ATP13A4: variants seen among roughly 807,000 people sequenced by gnomAD.
ATP13A4 encodes the protein ATPase 13A4, also known as probable cation-transporting ATPase 13A4.
In ATP13A4, 114 loss-of-function variants were observed where a neutral mutation model predicts 142.5. The ratio of observed to expected loss-of-function variants is 0.80; its 90% CI spans 0.69 to 0.93. ATP13A4 has a LOEUF of 0.93. Among genes scored for constraint, ATP13A4 ranks in the 40% least tolerant of loss-of-function variants. The probability of loss-of-function intolerance (pLI) is 0.00; values close to 1 mark genes in which losing one functional copy is unlikely to be tolerated. For synonymous variants in ATP13A4, 488 were observed against 514.8 expected (o/e 0.95, Z 0.70); for missense variants, 1,392 against 1,454.0 (o/e 0.96, Z 0.69).
At chr3:193,573,308 C>CGTATATATATATATATTCTTATAT (rs1229145689) in intron 2 of ATP13A4, among the ~76,000 whole-genome samples, 12,771 of 103,322 alleles carry the variant, frequency 0.12, 1,354 homozygotes, top group Non-Finnish European at 0.15. Flanking sequence ...TATATATATA[C>CGTATATATATATATATTCTTATAT]ATATATATAT....
At chr3:193,587,704 G>C (rs1182228443) in intron 1 of ATP13A4, among the ~76,000 whole-genome samples, 2 of 152,128 alleles carry the variant, frequency 1.3e-5, no homozygotes, top group African/African-American at 4.8e-5. Context: ...TATGTAATCA[G>C]TCACATCAGC....
intron 1 of ATP13A4, among the ~76,000 whole-genome samples, chr3:193,517,036 A>G (rs1420708646): frequency 6.6e-6 from 1 of 152,192 alleles, no homozygotes; most frequent in Non-Finnish European, 1.5e-5. Context: ...TCTCCCATTT[A>G]GTTGAAAAAG....
chr3:193,502,736 GT>G, intron 2 of ATP13A4, 97 bp from the exon 3 acceptor site: 1 of 1,297,430 alleles, frequency 7.7e-7, no homozygotes, highest in South Asian at 1.2e-5. Flanking sequence ...TTCTGTAAGT[GT>G]TTGGCGTTAG....
At chr3:193,535,896 A>G (rs1722565929) in intron 1 of ATP13A4, among the ~76,000 whole-genome samples, 1 of 152,064 alleles carries the variant, frequency 6.6e-6, no homozygotes, top group African/African-American at 2.4e-5. Flanking sequence ...AAATAAACCA[A>G]TTGCTTGAAA....
Position 193,410,995 on chromosome 3 carries a change from T to C in ATP13A4, c.3284A>G (p.Tyr1095Cys), listed in dbSNP as rs917679967. The change falls in exon 28 of 30, where the codon TAT becomes TGT. Residue 1095 changes from tyrosine (Y) to cysteine (C), a missense_variant. Coordinates refer to ENST00000342695, the MANE Select transcript of ATP13A4 (RefSeq NM_032279.4). ...GATTAGACTTACATCCAAACGTCTA[T>C]ATAATTCTGGTATATCAGCAAATAG... ...FILFADIPEL[Y>C]RRLDLLCTPV... 1.2e-5 allele frequency: 19 copies of C among 1,604,398 alleles called. No individual in the cohort carries two copies. Among genetic ancestry groups the C allele is most frequent in the Non-Finnish European group, 1.5e-5 (17 of 1,171,522 alleles).
At chr3:193,420,639 T>C (rs1715358929) in intron 25 of ATP13A4, among the ~76,000 whole-genome samples, 1 of 149,118 alleles carries the variant, frequency 6.7e-6, no homozygotes, top group African/African-American at 2.5e-5. Context: ...ATTCAGCAAA[T>C]TTAGGAAAAT....
chr3:193,587,075 A>G (rs532654585), intron 1 of ATP13A4, among the ~76,000 whole-genome samples: 2 of 152,298 alleles, frequency 1.3e-5, no homozygotes, highest in East Asian at 3.9e-4. Context: ...TAATTATATT[A>G]TGGTTTTTTA....
At chr3:193,410,617 G>A (rs1714720453) in intron 28 of ATP13A4, among the ~76,000 whole-genome samples, 1 of 152,144 alleles carries the variant, frequency 6.6e-6, no homozygotes, top group Non-Finnish European at 1.5e-5. Flanking sequence ...TACTCGGGAG[G>A]CTGAAGTGGG....
At chr3:193,447,250 G>A (rs1214724703) in intron 18 of ATP13A4, among the ~76,000 whole-genome samples, 1 of 152,184 alleles carries the variant, frequency 6.6e-6, no homozygotes, top group African/African-American at 2.4e-5. Flanking sequence ...CTAACCAGTA[G>A]TAAATGAACT....
intron 2 of ATP13A4, among the ~76,000 whole-genome samples, chr3:193,568,549 A>G (rs1206013159): frequency 3.3e-5 from 5 of 152,350 alleles, no homozygotes; most frequent in Non-Finnish European, 7.3e-5. Context: ...AAATAGGACT[A>G]ATAACTTTAA....
At chr3:193,575,439 G>C (rs1301153828) in intron 2 of ATP13A4, among the ~76,000 whole-genome samples, 2 of 152,158 alleles carry the variant, frequency 1.3e-5, no homozygotes, top group African/African-American at 2.4e-5. Context: ...AAACCACTTT[G>C]AATTTGAATT....
chr3:193,515,178 C>A (rs532830650), intron 1 of ATP13A4, among the ~76,000 whole-genome samples: 2 of 152,338 alleles, frequency 1.3e-5, no homozygotes, highest in East Asian at 3.9e-4. Context: ...CTCTCCCAAT[C>A]ATGCCTATCC....
intron 12 of ATP13A4, among the ~76,000 whole-genome samples, chr3:193,463,492 A>G (rs1361448476): frequency 6.6e-6 from 1 of 150,902 alleles, no homozygotes; most frequent in Non-Finnish European, 1.5e-5. Flanking sequence ...TTAAGAATTC[A>G]GGTTAGGTTT....
intron 2 of ATP13A4, among the ~76,000 whole-genome samples, chr3:193,567,118 A>T (rs1203680837): frequency 6.6e-6 from 1 of 152,240 alleles, no homozygotes; most frequent in African/African-American, 2.4e-5. Flanking sequence ...ATAATAGAAT[A>T]TTATGCAACC....
chr3:193,448,165 A>G (rs745888568), intron 18 of ATP13A4, 41 bp downstream of exon 18: 30 of 1,610,982 alleles, frequency 1.9e-5, no homozygotes, highest in Non-Finnish European at 1.7e-6. Flanking sequence ...CTATTTCCAC[A>G]TCAAATTCTT....
intron 1 of ATP13A4, among the ~76,000 whole-genome samples, chr3:193,583,270 T>A (rs1483799777): frequency 6.6e-6 from 1 of 151,562 alleles, no homozygotes; most frequent in Non-Finnish European, 1.5e-5. Flanking sequence ...CCGTCTCTAC[T>A]AAAAATACAA....
chr3:193,560,711 T>C (rs1454710723), intron 2 of ATP13A4, among the ~76,000 whole-genome samples: 15 of 152,222 alleles, frequency 9.9e-5, no homozygotes, highest in Non-Finnish European at 1.8e-4. Context: ...GGACATAGCA[T>C]TGGGCCCACC....
At chr3:193,567,835 G>C (rs1372222214) in intron 2 of ATP13A4, among the ~76,000 whole-genome samples, 1 of 152,176 alleles carries the variant, frequency 6.6e-6, no homozygotes, top group Non-Finnish European at 1.5e-5. Flanking sequence ...TCTGTTTAAA[G>C]CCTGCCTGGA....
intron 28 of ATP13A4, among the ~76,000 whole-genome samples, chr3:193,409,198 A>G (rs1456892980): frequency 2.0e-5 from 3 of 152,158 alleles, no homozygotes; most frequent in Non-Finnish European, 4.4e-5. Context: ...TAGGTTGCAA[A>G]ACAACATGAT....
Sources: allele counts gnomAD v4.1 joint callset (sites outside exome capture counted in the v4.1 genomes callset), GRCh38; gene constraint gnomAD v4.1.1; transcripts MANE v1.5; gene names NCBI Gene and HGNC (gene_info 2026-07-23, HGNC 2026-07-21).